The following LIMCH1 variants were observed in gnomAD, a reference collection of about 807,000 sequenced individuals.
The protein encoded by LIMCH1 is LIM and calponin homology domains-containing protein 1.
A neutral mutation model predicts 176.5 loss-of-function variants in LIMCH1; 113 were observed. That is an observed-to-expected ratio of 0.64 (90% CI 0.55 to 0.75). The LOEUF (loss-of-function observed/expected upper bound fraction) is 0.75, where lower values mean the gene tolerates loss of function less well. Ranked by LOEUF, LIMCH1 falls within the 30% of genes least tolerant of loss-of-function variation. LIMCH1 has a pLI of 0.00. For synonymous variants in LIMCH1, 619 were observed against 645.9 expected (o/e 0.96, Z 0.63); for missense variants, 1,674 against 1,814.9 (o/e 0.92, Z 1.41).
At chr4:41,405,344 T>C (rs1397308872) in intron 1 of LIMCH1, among the ~76,000 whole-genome samples, 7 of 152,328 alleles carry the variant, frequency 4.6e-5, no homozygotes, top group South Asian at 2.1e-4. Context: ...GACTCTAGTA[T>C]GTGTTGTTCA....
intron 1 of LIMCH1, among the ~76,000 whole-genome samples, chr4:41,463,720 G>A (rs2065716619): frequency 6.6e-6 from 1 of 151,908 alleles, no homozygotes; most frequent in Non-Finnish European, 1.5e-5. Context: ...TGGCACTACA[G>A]GTGCGCGCTA....
At chr4:41,624,518 G>A (rs547950674) in intron 7 of LIMCH1, among the ~76,000 whole-genome samples, 6 of 151,240 alleles carry the variant, frequency 4.0e-5, no homozygotes, top group East Asian at 2.0e-4. Context: ...GTATTAGGGC[G>A]GTGCACAAGT....
chr4:41,385,040 T>A (rs1222263173), intron 1 of LIMCH1, among the ~76,000 whole-genome samples: 1 of 152,216 alleles, frequency 6.6e-6, no homozygotes, highest in Non-Finnish European at 1.5e-5. Flanking sequence ...ATTTAAAAAT[T>A]GTATATTTAA....
intron 1 of LIMCH1, among the ~76,000 whole-genome samples, chr4:41,401,096 A>C (rs988587672): frequency 2.0e-5 from 3 of 152,186 alleles, no homozygotes; most frequent in African/African-American, 7.2e-5. Flanking sequence ...TTACACATGA[A>C]GTCCTTGCCC....
intron 15 of LIMCH1, 105 bp downstream of exon 15, chr4:41,644,731 C>T: frequency 7.2e-7 from 1 of 1,385,410 alleles, no homozygotes; most frequent in East Asian, 2.6e-5. Flanking sequence ...GAAAGGGAGC[C>T]CCTAGAGGGT....
chr4:41,588,463 T>C (rs1356113659), intron 1 of LIMCH1, among the ~76,000 whole-genome samples: 6 of 152,054 alleles, frequency 3.9e-5, no homozygotes, highest in Non-Finnish European at 8.8e-5. Context: ...ATGTGGGAGC[T>C]CATAAATTTG....
intron 12 of LIMCH1, 77 bp from the exon 13 acceptor site, chr4:41,633,471 A>T: frequency 2.0e-6 from 3 of 1,484,518 alleles, no homozygotes; most frequent in Non-Finnish European, 2.7e-6. Flanking sequence ...TCTTGAATTA[A>T]CGCCAGTGAG....
rs1173366674 is a variant in LIMCH1 at position 41,626,919 on chromosome 4, G to C, written c.937G>C (p.Gly313Arg). 6.5e-7 allele frequency: 1 copy of C among 1,536,042 alleles called. No individual in the cohort carries two copies. The highest frequency in any genetic ancestry group is 8.7e-7 in the Non-Finnish European group (1 of 1,146,910). ...GGTGCCATTAAATCAACTCCTCTAT[G>C]GCCCTTATCCAAAGAAAGGGGCAGA... is the stretch of plus-strand genomic sequence containing the variant. Reference protein sequence around the residue: ...PMVPLNQLLYGPYPKKGAEKS... With the variant: ...PMVPLNQLLYRPYPKKGAEKS... Residue 313 changes from glycine (G) to arginine (R), a missense_variant, in exon 8 of 32, where the codon GGC (glycine) becomes CGC (arginine). Around this residue, in one of 3 missense-constraint regions of LIMCH1, gnomAD observed 655 missense variants for 692.2 expected, o/e 0.95. Coordinates refer to ENST00000503057, the MANE Select transcript of LIMCH1 (RefSeq NM_001330672.2).
intron 21 of LIMCH1, among the ~76,000 whole-genome samples, chr4:41,666,962 C>G (rs2094848630): frequency 6.6e-6 from 1 of 152,098 alleles, no homozygotes; most frequent in Non-Finnish European, 1.5e-5. Context: ...TCAAAATTAG[C>G]TGGGTGTGGT....
intron 31 of LIMCH1, among the ~76,000 whole-genome samples, chr4:41,693,762 C>G (rs1728250410): frequency 6.6e-6 from 1 of 152,118 alleles, no homozygotes; most frequent in Non-Finnish European, 1.5e-5. Context: ...TTCTTTTTCT[C>G]TACCTCAGTG....
chr4:41,474,652 A>G (rs967146039), intron 1 of LIMCH1, among the ~76,000 whole-genome samples: 10 of 152,246 alleles, frequency 6.6e-5, no homozygotes, highest in African/African-American at 2.2e-4. Flanking sequence ...TAGATTGGCT[A>G]TTATCAAAAA....
intron 7 of LIMCH1, among the ~76,000 whole-genome samples, chr4:41,625,261 G>C (rs2092869966): frequency 6.6e-6 from 1 of 152,100 alleles, no homozygotes. Context: ...AAATGTACTA[G>C]CTACTAAGAG....
intron 23 of LIMCH1, among the ~76,000 whole-genome samples, chr4:41,677,405 T>C (rs1042307561): frequency 6.6e-6 from 1 of 151,964 alleles, no homozygotes; most frequent in Non-Finnish European, 1.5e-5. Context: ...CAAAACTCCA[T>C]CTCAAAAAAA....
chr4:41,539,896 G>A (rs1415725414), intron 1 of LIMCH1, among the ~76,000 whole-genome samples: 1 of 152,348 alleles, frequency 6.6e-6, no homozygotes, highest in Non-Finnish European at 1.5e-5. Context: ...GACCATGGCT[G>A]TTGGGGGTAT....
upstream of LIMCH1, among the ~76,000 whole-genome samples, chr4:41,360,475 C>T (rs2051825016): frequency 6.6e-6 from 1 of 152,104 alleles, no homozygotes; most frequent in South Asian, 2.1e-4. The surrounding 1 kb of genome is among the most constrained non-coding windows in gnomAD (Gnocchi z 4.5). Flanking sequence ...TTCCCTCTAT[C>T]GGGCCGGGTG....
At chr4:41,658,215 C>T (rs192767145) in intron 18 of LIMCH1, among the ~76,000 whole-genome samples, 1 of 152,296 alleles carries the variant, frequency 6.6e-6, no homozygotes, top group African/African-American at 2.4e-5. Flanking sequence ...TAAGCTTGCT[C>T]TGAGAATTAT....
At chr4:41,422,415 T>A (rs1347919382) in intron 1 of LIMCH1, among the ~76,000 whole-genome samples, 3 of 152,152 alleles carry the variant, frequency 2.0e-5, no homozygotes, top group African/African-American at 7.2e-5. Flanking sequence ...CTTGAGCTTC[T>A]GATCTGAAGT....
intron 3 of LIMCH1, chr4:41,604,373 C>A: frequency 4.4e-6 from 1 of 226,750 alleles, no homozygotes; most frequent in Non-Finnish European, 7.3e-6. Flanking sequence ...AGTACTTGCC[C>A]AAATGAACTT....
At chr4:41,402,982 A>G (rs2058614638) in intron 1 of LIMCH1, among the ~76,000 whole-genome samples, 1 of 110,060 alleles carries the variant, frequency 9.1e-6, no homozygotes, top group African/African-American at 6.2e-5. Flanking sequence ...ATAATAATAA[A>G]AAAAAAGAAA....
Sources: allele counts gnomAD v4.1 joint callset (sites outside exome capture counted in the v4.1 genomes callset), GRCh38; gene constraint gnomAD v4.1.1; regional missense constraint gnomAD v4.1.1; non-coding constraint Gnocchi (gnomAD v3.1); transcripts MANE v1.5; gene names NCBI Gene and HGNC (gene_info 2026-07-23, HGNC 2026-07-21).